Variants in LAMB1 observed in about 807,000 individuals in gnomAD.
LAMB1 encodes the protein laminin subunit beta 1, also known as laminin subunit beta-1.
A neutral mutation model predicts 222.3 loss-of-function variants in LAMB1; 121 were observed. The observed-to-expected ratio is 0.54, with a 90% CI of 0.47 to 0.63. The LOEUF is 0.63. LAMB1 is among the 30% of genes least tolerant of loss of function. The pLI is 0.00. For synonymous variants in LAMB1, 794 were observed against 807.2 expected (o/e 0.98, Z 0.28); for missense variants, 2,172 against 2,240.8 (o/e 0.97, Z 0.62).
chr7:107,992,841 G>A (rs2034210808), intron 5 of LAMB1, among the ~76,000 whole-genome samples: 1 of 152,152 alleles, frequency 6.6e-6, no homozygotes, highest in Admixed American at 6.5e-5. Context: ...GGTGTAGTGA[G>A]CCAAGATTGC....
At chr7:107,953,803 A>G (rs1426342966) in intron 21 of LAMB1, 49 bp from the exon 22 acceptor site, 3 of 1,522,714 alleles carry the variant, frequency 2.0e-6, no homozygotes, top group Non-Finnish European at 2.7e-6. Context: ...ATTGACTGAA[A>G]GCTCACCAGT....
At position 107,929,763 on chromosome 7, in the gene LAMB1, T is replaced by C. The variant is rs1333957110; in HGVS notation, c.4538-144A>G. 3 of 663,878 alleles carry C rather than the reference T, an allele frequency of 4.5e-6. No individual in the cohort carries two copies. The Admixed American group carries it at 8.1e-5, about 18-fold the overall frequency. The allele number at this position is 663,878 out of a possible 1,614,324, so 41.1% of individuals were successfully genotyped here. A position where few individuals can be genotyped will look rare whatever the true frequency, so the allele number is the denominator to read the frequency against. On this transcript the variant is annotated intron_variant, in intron 29 of 33. Transcript: ENST00000222399. ...TAACTTCCTGTTTAAGAGTTTATAA[T>C]CTATCTGGGATTTTGAGGGGAGATG...
chr7:108,001,057 C>T (rs1259086174), intron 3 of LAMB1, among the ~76,000 whole-genome samples: 1 of 152,102 alleles, frequency 6.6e-6, no homozygotes, highest in Non-Finnish European at 1.5e-5. Flanking sequence ...TAAAAGCAAG[C>T]ATCTGATCCT....
intron 23 of LAMB1, 105 bp from the exon 24 acceptor site, chr7:107,951,427 T>C (rs2033248145): frequency 1.0e-6 from 1 of 962,448 alleles, no homozygotes; most frequent in Non-Finnish European, 1.6e-6. Context: ...ACTGTTTACC[T>C]GAGAAGGTCT....
At chr7:107,938,778 C>T (rs1045263711) in intron 25 of LAMB1, among the ~76,000 whole-genome samples, 4 of 152,306 alleles carry the variant, frequency 2.6e-5, no homozygotes, top group Admixed American at 1.3e-4. Flanking sequence ...AAATGCCTCA[C>T]TAAATGCATT....
At chr7:107,989,111 G>C (rs2034135166) in intron 5 of LAMB1, among the ~76,000 whole-genome samples, 1 of 152,118 alleles carries the variant, frequency 6.6e-6, no homozygotes, top group Non-Finnish European at 1.5e-5. Context: ...GTGTCAGAGG[G>C]AAAAGAGAAA....
At chr7:107,948,861 A>G (rs1419195013) in intron 24 of LAMB1, among the ~76,000 whole-genome samples, 3 of 152,136 alleles carry the variant, frequency 2.0e-5, no homozygotes, top group African/African-American at 7.2e-5. Flanking sequence ...AAGCCATGTG[A>G]TCTTTGTAGT....
chr7:107,997,503 G>A (rs1460314979), intron 4 of LAMB1, among the ~76,000 whole-genome samples: 1 of 152,172 alleles, frequency 6.6e-6, no homozygotes, highest in African/African-American at 2.4e-5. Context: ...ATGATAGATG[G>A]CTGCAGCGGC....
chr7:107,969,015 G>A (rs1186306894), intron 13 of LAMB1, among the ~76,000 whole-genome samples: 3 of 152,214 alleles, frequency 2.0e-5, no homozygotes, highest in Non-Finnish European at 4.4e-5. Context: ...ATGGCTGGGT[G>A]TGGTGGCTCA....
In LAMB1 at chr7:107,986,002, T is replaced by C. The variant is rs1290454272; in HGVS notation, c.676+20A>G. On this transcript the variant is annotated intron_variant, in intron 7 of 33. Transcript: ENST00000222399. Reference sequence around the variant, plus strand: ...ACAAACAAACTAACAAAAAACACTTTTGTTTGAAAATGAACTTACTCTGTA... The same window carrying C: ...ACAAACAAACTAACAAAAAACACTTCTGTTTGAAAATGAACTTACTCTGTA... The C allele has an allele frequency of 1.9e-6, 3 of 1,570,074 alleles. No individual in the cohort carries two copies. Among genetic ancestry groups the C allele is most frequent in the Admixed American group, 1.7e-5 (1 of 59,206 alleles).
chr7:107,933,858 C>T (rs1216197699), intron 27 of LAMB1, among the ~76,000 whole-genome samples: 6 of 152,110 alleles, frequency 3.9e-5, no homozygotes, highest in Non-Finnish European at 5.9e-5. Context: ...GCCAGAGGAA[C>T]CCCGAACCCC....
At chr7:107,982,592 G>A (rs1416069900) in intron 7 of LAMB1, among the ~76,000 whole-genome samples, 2 of 152,068 alleles carry the variant, frequency 1.3e-5, no homozygotes, top group Non-Finnish European at 2.9e-5. Flanking sequence ...GAGCACAAGC[G>A]CCTATTGACA....
At chr7:108,002,293 T>C in intron 2 of LAMB1, 1 of 1,308,034 alleles carries the variant, frequency 7.6e-7, no homozygotes, top group Non-Finnish European at 1.0e-6. Flanking sequence ...GACGCCGCTT[T>C]CCGGAGCTAG....
intron 31 of LAMB1, among the ~76,000 whole-genome samples, 184 bp downstream of exon 31, chr7:107,928,880 T>G (rs2032634444): frequency 6.6e-6 from 1 of 152,228 alleles, no homozygotes; most frequent in Non-Finnish European, 1.5e-5. Context: ...CAGAGTCCTT[T>G]TATTCCTTGA....
chr7:107,990,530 T>C (rs1417492675), intron 5 of LAMB1, among the ~76,000 whole-genome samples: 1 of 151,750 alleles, frequency 6.6e-6, no homozygotes, highest in East Asian at 1.9e-4. Context: ...TTCCTAGTTA[T>C]TTCACTTGAC....
intron 9 of LAMB1, among the ~76,000 whole-genome samples, chr7:107,976,632 G>GTAA (rs2033862262): frequency 6.6e-6 from 1 of 152,068 alleles, no homozygotes; most frequent in African/African-American, 2.4e-5. Context: ...TGCAGAAGAG[G>GTAA]GACTGTGTCT....
intron 4 of LAMB1, among the ~76,000 whole-genome samples, chr7:107,996,936 C>T (rs2034291921): frequency 6.6e-6 from 1 of 152,306 alleles, no homozygotes; most frequent in African/African-American, 2.4e-5. Context: ...CCTCGGGGTA[C>T]ACTGCAGATT....
chr7:107,959,603 G>T, intron 19 of LAMB1, 88 bp downstream of exon 19: 1 of 1,612,550 alleles, frequency 6.2e-7, no homozygotes, highest in African/African-American at 1.3e-5. Flanking sequence ...ACTTCAGGAG[G>T]GAAGCATCGG....
chr7:107,927,498 CTGTT>C (rs1185234696), intron 31 of LAMB1, among the ~76,000 whole-genome samples: 8 of 152,082 alleles, frequency 5.3e-5, no homozygotes, highest in East Asian at 3.9e-4. Flanking sequence ...AGTGCAGTGA[CTGTT>C]TGTTTACAGG....
Sources: allele counts gnomAD v4.1 joint callset (sites outside exome capture counted in the v4.1 genomes callset), GRCh38; gene constraint gnomAD v4.1.1; transcripts MANE v1.5; gene names NCBI Gene and HGNC (gene_info 2026-07-23, HGNC 2026-07-21).